Variants in ABCB1 observed in about 807,000 individuals in gnomAD.
ABCB1 encodes ATP-dependent translocase ABCB1.
A neutral mutation model predicts 142.0 loss-of-function variants in ABCB1; 69 were observed. That is an observed-to-expected ratio of 0.49 (90% CI 0.40 to 0.59). The LOEUF (loss-of-function observed/expected upper bound fraction) is 0.59. Among genes scored for constraint, ABCB1 ranks in the 20% least tolerant of loss-of-function variants. The pLI is 0.00. For synonymous variants in ABCB1, 532 were observed against 539.2 expected, an observed-to-expected ratio of 0.99 and a Z score of 0.18; for missense variants, 1,326 against 1,554.7, an observed-to-expected ratio of 0.85 and a Z score of 2.47.
chr7:87,553,495 T>C (rs112244919), intron 9 of ABCB1, among the ~76,000 whole-genome samples: 7 of 152,002 alleles, frequency 4.6e-5, no homozygotes, highest in Admixed American at 4.6e-4. Flanking sequence ...TAATTTTTTG[T>C]ATTTTTTGTA....
chr7:87,630,925 C>T lies in ABCB1; in HGVS notation c.-330-29847G>A, dbSNP rs572648680. On this transcript the variant is annotated intron_variant, in intron 1 of 28. Coordinates refer to the ABCB1 transcript ENST00000265724. The stretch of plus-strand genomic sequence containing the variant: ...AATTATCTTTAAGAAATTTTAGGAA[C>T]GTCACACTGATTTCTGGGGACAGCT... 5.9e-5 allele frequency among the ~76,000 whole-genome samples: 9 copies of T among 152,104 alleles called. No homozygotes were observed. The South Asian group carries it at 1.5e-3, about 25-fold the overall frequency.
In ABCB1 at chr7:87,585,798, A is replaced by C. The variant is rs1211152; in HGVS notation, c.118-118T>G. On this transcript the variant is annotated intron_variant, in intron 3 of 27. Transcript: ENST00000622132. ...ATTTTTCAGACTACTACTGATACCA[A>C]CCTAGTCCAAGACACCCTCTACCTT... The C allele has an allele frequency of 0.94, 948,566 of 1,007,268 alleles. 447,216 individuals are homozygous for C. Among genetic ancestry groups the C allele is most frequent in the East Asian group, 1 (38,514 of 38,518 alleles). 62.4% of individuals were successfully genotyped at this position (1,007,268 alleles called of 1,614,324 possible).
At chr7:87,703,885 CTTTTTTTTTTTTTTTTT>C in intron 1 of ABCB1, among the ~76,000 whole-genome samples, 2 of 60,282 alleles carry the variant, frequency 3.3e-5, no homozygotes, top group African/African-American at 6.3e-5. Context: ...TCAGTTTTTT[CTTTTTTTTTTTTTTTTT>C]TTTTTTTTTT....
intron 26 of ABCB1, among the ~76,000 whole-genome samples, chr7:87,508,560 G>A (rs1005211536): frequency 2.4e-4 from 37 of 152,114 alleles, no homozygotes; most frequent in African/African-American, 8.4e-4. Flanking sequence ...AACTTCCTAG[G>A]AGGAATTCAG....
chr7:87,624,496 T>C (rs754866970), intron 1 of ABCB1, among the ~76,000 whole-genome samples: 4 of 152,198 alleles, frequency 2.6e-5, no homozygotes, highest in Non-Finnish European at 5.9e-5. Flanking sequence ...AGAAGGAAGT[T>C]GGGAAAACGG....
At chr7:87,684,047 C>T (rs1043046245) in intron 1 of ABCB1, among the ~76,000 whole-genome samples, 3 of 152,048 alleles carry the variant, frequency 2.0e-5, no homozygotes, top group Non-Finnish European at 4.4e-5. Flanking sequence ...ATGATAGGAT[C>T]CTACTAATAG....
chr7:87,614,803 C>A (rs531536226), intron 1 of ABCB1, among the ~76,000 whole-genome samples: 49 of 150,698 alleles, frequency 3.3e-4, no homozygotes, highest in African/African-American at 1.1e-3. Context: ...GCCTTTTATT[C>A]TTTTTGTTTG....
rs10276036 is a variant in ABCB1, at chr7:87,550,882, C to T, written c.1000-44G>A. The T allele has an allele frequency of 0.55, 696,765 of 1,259,928 alleles. 196,874 individuals are homozygous for T. The highest frequency in any genetic ancestry group is 0.76 in the African/African-American group (51,365 of 67,892). 78.0% of individuals were successfully genotyped at this position (1,259,928 alleles called of 1,614,324 possible). Reference sequence around the variant, plus strand: ...AACCATCAGGCTACTGAGATAGTGACAGCAATTTTTTTTCATACTTCTTCT... The same window carrying T: ...AACCATCAGGCTACTGAGATAGTGATAGCAATTTTTTTTCATACTTCTTCT... On this transcript the variant is annotated intron_variant, in intron 9 of 27. Coordinates refer to ENST00000622132, the MANE Select transcript of ABCB1 (RefSeq NM_001348946.2).
intron 5 of ABCB1, among the ~76,000 whole-genome samples, chr7:87,569,394 T>C (rs1427523497): frequency 1.3e-5 from 2 of 151,452 alleles, no homozygotes; most frequent in African/African-American, 2.4e-5. Flanking sequence ...TACACAGTAA[T>C]GTAAAATCAT....
At chr7:87,568,966 A>G (rs959241004) in intron 5 of ABCB1, among the ~76,000 whole-genome samples, 13 of 152,216 alleles carry the variant, frequency 8.5e-5, no homozygotes, top group Non-Finnish European at 1.8e-4. Context: ...ATTTTCCCCA[A>G]TGTAAAAAAC....
intron 1 of ABCB1, among the ~76,000 whole-genome samples, chr7:87,683,368 A>G (rs953451328): frequency 3.3e-5 from 5 of 152,228 alleles, no homozygotes; most frequent in African/African-American, 1.2e-4. Context: ...TAACTGGCAC[A>G]AGAGGCCTAG....
intron 1 of ABCB1, among the ~76,000 whole-genome samples, chr7:87,674,710 A>G (rs1203170555): frequency 6.6e-6 from 1 of 152,110 alleles, no homozygotes; most frequent in Non-Finnish European, 1.5e-5. Flanking sequence ...GAGGCATGAT[A>G]GGGCCCCCAG....
chr7:87,703,794 TTTAC>T (rs1216800015), intron 1 of ABCB1, among the ~76,000 whole-genome samples: 1 of 149,004 alleles, frequency 6.7e-6, no homozygotes, highest in Non-Finnish European at 1.5e-5. Context: ...TTTTAATTCA[TTTAC>T]TTACTTTTTA....
intron 1 of ABCB1, among the ~76,000 whole-genome samples, chr7:87,703,915 T>TTTTTTTTTG (rs1829351240): frequency 1.6e-4 from 3 of 18,530 alleles, no homozygotes; most frequent in Non-Finnish European, 2.2e-4. Flanking sequence ...TTTTTTTTGG[T>TTTTTTTTTG]TTTTTTTTTT....
At chr7:87,608,558 C>T (rs918396665) in intron 1 of ABCB1, among the ~76,000 whole-genome samples, 3 of 152,186 alleles carry the variant, frequency 2.0e-5, no homozygotes, top group African/African-American at 4.8e-5. Flanking sequence ...TAACCAAACC[C>T]TTTGCCCTAA....
At chr7:87,650,302 C>G (rs1823447436) in intron 1 of ABCB1, among the ~76,000 whole-genome samples, 1 of 152,084 alleles carries the variant, frequency 6.6e-6, no homozygotes, top group Non-Finnish European at 1.5e-5. Context: ...TTGTCTTAAA[C>G]CAGGTAATTT....
At chr7:87,677,423 A>G (rs1333848740) in intron 1 of ABCB1, among the ~76,000 whole-genome samples, 1 of 152,130 alleles carries the variant, frequency 6.6e-6, no homozygotes, top group Non-Finnish European at 1.5e-5. Context: ...AAGACACAGA[A>G]AGACAAATAC....
At chr7:87,664,426 CAGA>C (rs1825026712) in intron 1 of ABCB1, among the ~76,000 whole-genome samples, 2 of 152,092 alleles carry the variant, frequency 1.3e-5, no homozygotes, top group Admixed American at 1.3e-4. Flanking sequence ...CAAAGGAATA[CAGA>C]TGCTTATTGT....
intron 1 of ABCB1, among the ~76,000 whole-genome samples, chr7:87,652,844 G>A (rs1265668744): frequency 1.3e-5 from 2 of 151,838 alleles, no homozygotes; most frequent in East Asian, 1.9e-4. Flanking sequence ...AATTTTTCCA[G>A]TGTTTTCCTT....
Sources: allele counts gnomAD v4.1 joint callset (sites outside exome capture counted in the v4.1 genomes callset), GRCh38; gene constraint gnomAD v4.1.1; transcripts MANE v1.5; gene names NCBI Gene and HGNC (gene_info 2026-07-23, HGNC 2026-07-21).